Variants in ACBD5 observed in about 807,000 individuals in gnomAD.
ACBD5 encodes acyl-CoA binding domain containing 5.
In ACBD5, 40 loss-of-function variants were observed where a neutral mutation model predicts 71.8. That is an observed-to-expected ratio of 0.56 (90% CI 0.43 to 0.72). ACBD5 has a LOEUF of 0.72. Ranked by LOEUF, ACBD5 falls within the 30% of genes least tolerant of loss-of-function variation. The probability of loss-of-function intolerance (pLI) is 0.00; values close to 1 mark genes in which losing one functional copy is unlikely to be tolerated. For missense variants in ACBD5, 559 were observed against 644.5 expected (o/e 0.87, Z 1.44); for synonymous variants, 229 against 218.6 (o/e 1.05, Z -0.42).
intron 4 of ACBD5, among the ~76,000 whole-genome samples, chr10:27,226,159 T>C (rs923105241): frequency 6.6e-6 from 1 of 152,112 alleles, no homozygotes; most frequent in Non-Finnish European, 1.5e-5. Context: ...CTTTGTTTTT[T>C]CTTTTTCTTT....
intron 4 of ACBD5, among the ~76,000 whole-genome samples, chr10:27,228,817 T>TATATATATA (rs1373007762): frequency 3.8e-4 from 6 of 15,914 alleles, no homozygotes; most frequent in South Asian, 5.3e-3. Flanking sequence ...ATATATATAT[T>TATATATATA]TTTTTTTTTT....
At chr10:27,204,744 A>G (rs1248554904) in intron 11 of ACBD5, among the ~76,000 whole-genome samples, 195 bp from the exon 12 acceptor site, 5 of 152,242 alleles carry the variant, frequency 3.3e-5, no homozygotes, top group Admixed American at 2.6e-4. Context: ...TCAGACTTAA[A>G]TAAACACAAA....
At position 27,197,543 on chromosome 10, in the gene ACBD5, C is replaced by T. The variant is rs1370694745; in HGVS notation, c.1566-101G>A. Reference sequence around the variant, plus strand: ...ATAACATACAAATTCAAAATAAAACCATAATATTACCAACAGTCTTTATAG... The same window carrying T: ...ATAACATACAAATTCAAAATAAAACTATAATATTACCAACAGTCTTTATAG... On this transcript the variant is annotated intron_variant, in intron 12 of 12. Coordinates refer to ENST00000396271, the MANE Select transcript of ACBD5 (RefSeq NM_145698.5). The T allele has an allele frequency of 1.2e-5, 11 of 919,288 alleles. No homozygotes were observed. In the East Asian group the frequency reaches 2.9e-4, roughly 24 times the overall value. 56.9% of individuals were successfully genotyped at this position (919,288 alleles called of 1,614,324 possible).
At chr10:27,189,024 C>T (rs573318071) in intron 13 of ACBD5, among the ~76,000 whole-genome samples, 2 of 152,302 alleles carry the variant, frequency 1.3e-5, no homozygotes, top group South Asian at 4.1e-4. Context: ...TGCCTTTCTG[C>T]CCAAAGGCAG....
chr10:27,197,429 C>T lies in ACBD5; in HGVS notation c.*1G>A, dbSNP rs376326619. On this transcript the variant is annotated 3_prime_UTR_variant, in exon 13 of 13. Transcript: ENST00000396271. Reference sequence around the variant, plus strand: ...TCTTCTTGAGGAAAACACCATTTTCCTCAGTTCAGTTTTCTTTAAAAAGAA... The same window carrying T: ...TCTTCTTGAGGAAAACACCATTTTCTTCAGTTCAGTTTTCTTTAAAAAGAA... 2.5e-6 allele frequency: 4 copies of T among 1,609,796 alleles called. No homozygotes were observed. The highest frequency in any genetic ancestry group is 3.4e-6 in the Non-Finnish European group (4 of 1,177,376).
downstream of ACBD5, chr10:27,195,206 A>G: frequency 2.6e-6 from 1 of 380,970 alleles, no homozygotes. Flanking sequence ...CAAGTAATAA[A>G]AGCCATATCA....
At chr10:27,191,687 C>T (rs2059085408), downstream of ACBD5, among the ~76,000 whole-genome samples, 1 of 152,152 alleles carries the variant, frequency 6.6e-6, no homozygotes, top group African/African-American at 2.4e-5. Context: ...AGTTTAAGAC[C>T]AGCCTGGCCA....
chr10:27,200,508 G>A (rs1310946468), intron 12 of ACBD5, among the ~76,000 whole-genome samples: 9 of 151,416 alleles, frequency 5.9e-5, no homozygotes, highest in South Asian at 2.1e-4. Context: ...GCAGTGGCAC[G>A]ATCTCAGCTC....
intron 13 of ACBD5, among the ~76,000 whole-genome samples, chr10:27,183,269 TTTGTTGTTGTTG>T (rs4018758): frequency 4.0e-5 from 6 of 150,184 alleles, no homozygotes; most frequent in African/African-American, 1.2e-4. Flanking sequence ...TTAAAATTCT[TTTGTTGTTGTTG>T]TTGTTGTTGT....
downstream of ACBD5, among the ~76,000 whole-genome samples, chr10:27,194,275 CT>C (rs1340733964): frequency 1.4e-5 from 2 of 147,972 alleles, no homozygotes; most frequent in Admixed American, 6.8e-5. Context: ...AAAAAAAACC[CT>C]CTCATCATTT....
chr10:27,207,750 T>C (rs1284481793), intron 10 of ACBD5, among the ~76,000 whole-genome samples: 1 of 152,208 alleles, frequency 6.6e-6, no homozygotes, highest in Non-Finnish European at 1.5e-5. Context: ...TATTTATTTA[T>C]TTGAGACAGA....
At chr10:27,200,583 T>G (rs1444880626) in intron 12 of ACBD5, among the ~76,000 whole-genome samples, 2 of 151,740 alleles carry the variant, frequency 1.3e-5, no homozygotes, top group African/African-American at 4.8e-5. Flanking sequence ...TAGCTGGGAT[T>G]ACAGGTGCCT....
chr10:27,193,272 C>T (rs2059158636), downstream of ACBD5: 1 of 150,278 alleles, frequency 6.7e-6, no homozygotes, highest in Admixed American at 6.7e-5. Flanking sequence ...ATTAAAAATA[C>T]AAAAAAATTA....
At chr10:27,234,873 A>G (rs2064432355) in intron 3 of ACBD5, among the ~76,000 whole-genome samples, 1 of 152,208 alleles carries the variant, frequency 6.6e-6, no homozygotes, top group South Asian at 2.1e-4. Flanking sequence ...CAGAGGCTGC[A>G]GTGAGCCGAG....
intron 13 of ACBD5, among the ~76,000 whole-genome samples, chr10:27,185,611 T>TGACA (rs2058663548): frequency 1.0e-5 from 1 of 96,454 alleles, no homozygotes; most frequent in Non-Finnish European, 2.0e-5. Flanking sequence ...CCAGCCTAGG[T>TGACA]GACAGACAAA....
chr10:27,195,982 C>G lies in ACBD5; in HGVS notation c.*1448G>C, dbSNP rs917120822. ...CTTTGGGAGGCCGAGGCAGGCAGAT[C>G]ACCTGAGGTTGGGAGTTTGAGATCA... On this transcript the variant is annotated 3_prime_UTR_variant, in exon 13 of 13. Transcript: ENST00000396271. 67 of 428,590 alleles carry G rather than the reference C, an allele frequency of 1.6e-4. No individual in the cohort carries two copies. The highest frequency in any genetic ancestry group is 2.0e-4 in the Non-Finnish European group (43 of 218,048). The allele number at this position is 428,590 out of a possible 1,614,324, so 26.5% of individuals were successfully genotyped here.
At chr10:27,229,623 T>C in intron 4 of ACBD5, among the ~76,000 whole-genome samples, 1 of 152,156 alleles carries the variant, frequency 6.6e-6, no homozygotes, top group East Asian at 1.9e-4. Context: ...TTATTGAAAT[T>C]AGAATAAGTC....
chr10:27,212,927 A>AT (rs569698440), intron 8 of ACBD5, among the ~76,000 whole-genome samples: 52 of 152,302 alleles, frequency 3.4e-4, no homozygotes, highest in Middle Eastern at 3.4e-3. Flanking sequence ...AAAGGGGTAG[A>AT]TTTAATTGCA....
chr10:27,218,215 A>G, intron 6 of ACBD5, 32 bp from the exon 7 acceptor site: 1 of 1,530,136 alleles, frequency 6.5e-7, no homozygotes, highest in South Asian at 1.1e-5. Context: ...GATTCATAAA[A>G]GTTCACAGTA....
Sources: gnomAD v4.1 joint callset for allele counts (sites outside exome capture counted in the v4.1 genomes callset) on GRCh38, gnomAD v4.1.1 for gene constraint, MANE v1.5 for transcripts, NCBI Gene and HGNC (gene_info 2026-07-23, HGNC 2026-07-21) for gene names.